Variants in ZFAT observed in about 807,000 individuals in gnomAD.
The protein encoded by ZFAT is zinc finger protein ZFAT.
Under a neutral mutation model 117.7 loss-of-function variants are expected in ZFAT, and 64 were observed. The observed-to-expected ratio is 0.54, with a 90% confidence interval of 0.44 to 0.67. ZFAT has a LOEUF of 0.67. Ranked by LOEUF, ZFAT falls within the 30% of genes least tolerant of loss-of-function variation. ZFAT has a pLI of 0.00. For synonymous variants in ZFAT, 679 were observed against 615.0 expected (o/e 1.10, Z -1.54); for missense variants, 1,433 against 1,584.5 (o/e 0.90, Z 1.62).
intron 2 of ZFAT, among the ~76,000 whole-genome samples, chr8:134,654,252 G>A (rs1424879090): frequency 2.6e-5 from 4 of 151,970 alleles, no homozygotes; most frequent in South Asian, 2.1e-4. Context: ...CCAAGATCAC[G>A]CCATTGCACT....
chr8:134,764,206 A>G, the ZFAT span, among the ~76,000 whole-genome samples: 1 of 152,242 alleles, frequency 6.6e-6, no homozygotes, highest in Non-Finnish European at 1.5e-5. Flanking sequence ...AGTCCAGGTC[A>G]ATCTTTCTTT....
chr8:134,555,531 A>G (rs1026845321), intron 11 of ZFAT, among the ~76,000 whole-genome samples: 2 of 152,188 alleles, frequency 1.3e-5, no homozygotes, highest in Non-Finnish European at 2.9e-5. Context: ...CACCACACTA[A>G]TAACATATAC....
intron 11 of ZFAT, among the ~76,000 whole-genome samples, chr8:134,537,488 C>T (rs746972962): frequency 7.2e-5 from 11 of 152,170 alleles, no homozygotes; most frequent in Admixed American, 2.0e-4. Flanking sequence ...GAGATGTGGG[C>T]AGTTACTGGG....
chr8:134,672,424 G>A (rs894154790), intron 1 of ZFAT, among the ~76,000 whole-genome samples: 1 of 152,150 alleles, frequency 6.6e-6, no homozygotes, highest in Non-Finnish European at 1.5e-5. Flanking sequence ...GGGGCAGGGT[G>A]GAAGGATAGC....
chr8:134,763,286 T>C, the ZFAT span, among the ~76,000 whole-genome samples: 1 of 152,220 alleles, frequency 6.6e-6, no homozygotes, highest in Non-Finnish European at 1.5e-5. Flanking sequence ...TGAATTCACC[T>C]CCTGTTACAC....
chr8:134,791,360 GTA>G, the ZFAT span, among the ~76,000 whole-genome samples: 1 of 147,536 alleles, frequency 6.8e-6, no homozygotes, highest in African/African-American at 2.5e-5. Context: ...CAGCTTCCCT[GTA>G]TAGTCAGGCC....
the ZFAT span, among the ~76,000 whole-genome samples, chr8:134,721,438 A>C: frequency 5.9e-5 from 9 of 152,162 alleles, no homozygotes; most frequent in Admixed American, 2.6e-4. Flanking sequence ...CAAACCGAGG[A>C]GCTCACAGGC....
At chr8:134,479,344 C>G (rs946072758) in intron 15 of ZFAT, among the ~76,000 whole-genome samples, 2 of 152,174 alleles carry the variant, frequency 1.3e-5, no homozygotes, top group African/African-American at 4.8e-5. Context: ...CAGGGCTGGA[C>G]AGGAGAGCCT....
intron 1 of ZFAT, among the ~76,000 whole-genome samples, chr8:134,684,616 T>A (rs1444618628): frequency 6.6e-6 from 1 of 152,192 alleles, no homozygotes; most frequent in Non-Finnish European, 1.5e-5. Context: ...TAGGGATATG[T>A]CTTACACTTC....
intron 1 of ZFAT, chr8:134,674,613 C>G (rs1832707412): frequency 6.5e-6 from 1 of 154,540 alleles, no homozygotes; most frequent in Non-Finnish European, 1.4e-5. Flanking sequence ...CAGCGGTTCT[C>G]CCAGAATGGC....
At chr8:134,484,748 C>T (rs1000999078) in intron 15 of ZFAT, among the ~76,000 whole-genome samples, 1 of 152,154 alleles carries the variant, frequency 6.6e-6, no homozygotes, top group East Asian at 1.9e-4. Flanking sequence ...CAGGGGCGAA[C>T]GCCAAGTAGA....
At chr8:134,580,902 A>G (rs562040100) in intron 10 of ZFAT, among the ~76,000 whole-genome samples, 65 of 152,212 alleles carry the variant, frequency 4.3e-4, no homozygotes, top group Non-Finnish European at 5.0e-4. Flanking sequence ...CCCCAAACTG[A>G]GGAAGGTTTC....
intron 1 of ZFAT, among the ~76,000 whole-genome samples, chr8:134,686,500 G>A (rs535497294): frequency 2.0e-5 from 3 of 152,170 alleles, no homozygotes; most frequent in East Asian, 3.9e-4. Flanking sequence ...TATGTTACAC[G>A]TTAATCTAAG....
chr8:134,504,837 C>A (rs1819271175), intron 15 of ZFAT, among the ~76,000 whole-genome samples: 1 of 152,128 alleles, frequency 6.6e-6, no homozygotes, highest in African/African-American at 2.4e-5. Context: ...CTTCCACCAC[C>A]CCTACCTCTG....
chr8:134,572,383 C>T (rs1031874399), intron 10 of ZFAT, among the ~76,000 whole-genome samples: 2 of 152,190 alleles, frequency 1.3e-5, no homozygotes, highest in African/African-American at 4.8e-5. Context: ...AATTAGCACC[C>T]ATCTCTGAAA....
At chr8:134,695,618 G>A (rs144076499) in intron 1 of ZFAT, among the ~76,000 whole-genome samples, 3 of 146,798 alleles carry the variant, frequency 2.0e-5, no homozygotes, top group East Asian at 2.1e-4. Flanking sequence ...GGCCCTGCCC[G>A]CATCTCTAAC....
At chr8:134,745,962 C>T in the ZFAT span, among the ~76,000 whole-genome samples, 1 of 152,190 alleles carries the variant, frequency 6.6e-6, no homozygotes, top group Admixed American at 6.5e-5. Flanking sequence ...GAGGCAGTTT[C>T]TTAGTTTTTC....
chr8:134,637,841 C>T, intron 2 of ZFAT, 129 bp from the exon 3 acceptor site: 1 of 1,283,222 alleles, frequency 7.8e-7, no homozygotes, highest in Non-Finnish European at 1.1e-6. Context: ...TAAAGTGATT[C>T]CAGACATTAA....
intron 9 of ZFAT, among the ~76,000 whole-genome samples, 178 bp downstream of exon 9, chr8:134,588,068 A>C (rs1826195692): frequency 6.6e-6 from 1 of 152,162 alleles, no homozygotes; most frequent in South Asian, 2.1e-4. Context: ...AATTGCAACT[A>C]ATTAAGTAAT....
Sources: gnomAD v4.1 joint callset for allele counts (sites outside exome capture counted in the v4.1 genomes callset) on GRCh38, gnomAD v4.1.1 for gene constraint, MANE v1.5 for transcripts, NCBI Gene and HGNC (gene_info 2026-07-23, HGNC 2026-07-21) for gene names.